Variants in ITGAL observed in about 807,000 individuals in gnomAD.
The protein encoded by ITGAL is integrin subunit alpha L.
A neutral mutation model predicts 138.4 loss-of-function variants in ITGAL; 68 were observed. The observed-to-expected ratio is 0.49, with a 90% CI of 0.40 to 0.60. The LOEUF (loss-of-function observed/expected upper bound fraction) is 0.60, where lower values mean the gene tolerates loss of function less well. Among genes scored for constraint, ITGAL ranks in the 20% least tolerant of loss-of-function variants. ITGAL has a pLI of 0.00. For synonymous variants in ITGAL, 561 were observed against 584.3 expected (o/e 0.96, Z 0.57); for missense variants, 1,256 against 1,478.6 (o/e 0.85, Z 2.47).
rs756517516 is a variant in ITGAL at position 30,506,823 on chromosome 16, G to A, written c.2475G>A (p.Pro825=). 7.5e-5 allele frequency: 121 copies of A among 1,613,766 alleles called. No individual in the cohort carries two copies. Among genetic ancestry groups the A allele is most frequent in the Non-Finnish European group, 9.7e-5 (114 of 1,179,890 alleles). ...TCCAGCTGGACCTGCACTTCCCCCC[G>A]GGACTCTCCTTCCGCAAGGTGGAGA... ...YWVQLDLHFP[P]GLSFRKVEML... is the part of the protein sequence containing the mutation. Residue 825 remains proline, a synonymous_variant, in exon 21 of 31, where the codon CCG becomes CCA. Coordinates refer to ENST00000356798, the MANE Select transcript of ITGAL (RefSeq NM_002209.3).
At chr16:30,517,776 C>T (rs1434013145) in intron 27 of ITGAL, 21 bp from the exon 28 acceptor site, 7 of 1,613,588 alleles carry the variant, frequency 4.3e-6, no homozygotes, top group Non-Finnish European at 4.2e-6. Context: ...GCCCTGACCC[C>T]GCTTTCCTCA....
chr16:30,516,948 C>T, intron 25 of ITGAL, 25 bp from the exon 26 acceptor site: 1 of 1,541,674 alleles, frequency 6.5e-7, no homozygotes. Context: ...ATTCAGGGCT[C>T]TGCATCCCTT....
At chr16:30,513,457 C>T (rs1021714319) in intron 24 of ITGAL, among the ~76,000 whole-genome samples, 11 of 152,082 alleles carry the variant, frequency 7.2e-5, no homozygotes, top group Non-Finnish European at 1.3e-4. Flanking sequence ...GCAGTGGATA[C>T]GATTATCTAG....
At chr16:30,507,491 C>A (rs1401432467) in intron 21 of ITGAL, among the ~76,000 whole-genome samples, 24 of 145,594 alleles carry the variant, frequency 1.6e-4, no homozygotes, top group Non-Finnish European at 2.4e-4. Flanking sequence ...AAAAAAAAAA[C>A]CCACAAAAAT....
chr16:30,474,588 G>C (rs2050441722), intron 2 of ITGAL: 1 of 381,576 alleles, frequency 2.6e-6, no homozygotes, highest in Admixed American at 4.0e-5. Flanking sequence ...ACTCCCCTGC[G>C]AGCGCCTGGA....
chr16:30,517,117 C>A, intron 26 of ITGAL, 31 bp downstream of exon 26: 1 of 1,421,800 alleles, frequency 7.0e-7, no homozygotes, highest in Non-Finnish European at 9.8e-7. Flanking sequence ...GAGGGTCTAC[C>A]CTCCTCAGGT....
At position 30,475,377 on chromosome 16, in the gene ITGAL, A is replaced by C; in HGVS notation, c.236A>C (p.His79Pro). ...SLYQCQSGTG[H>P]CLPVTLRGSN... is the part of the protein sequence containing the mutation. Reference sequence around the variant, plus strand: ...TATCAGTGCCAGTCGGGCACAGGACACTGCCTGCCAGTCACCCTGAGAGGT... The same window carrying C: ...TATCAGTGCCAGTCGGGCACAGGACCCTGCCTGCCAGTCACCCTGAGAGGT... Residue 79 changes from histidine (H) to proline (P), a missense_variant, in exon 3 of 31, where the codon CAC (histidine) becomes CCC (proline). By Grantham distance (77) the His-to-Pro change is moderately conservative. Transcript: ENST00000356798. The C allele has an allele frequency of 6.2e-7, 1 of 1,613,786 alleles. No individual in the cohort carries two copies. Among genetic ancestry groups the C allele is most frequent in the Middle Eastern group, 1.7e-4 (1 of 6,060 alleles).
rs372117782 is a variant in ITGAL, at chr16:30,505,238, G to T, written c.2236-6G>T. 5.7e-6 allele frequency: 9 copies of T among 1,591,988 alleles called. No homozygotes were observed. Among genetic ancestry groups the T allele is most frequent in the Admixed American group, 5.1e-5 (3 of 58,912 alleles). Reference sequence around the variant, plus strand: ...CTCTCCATCCTGCCCACTACCCCTCGCTCAGCAGGGCAAGGACATACCGCC... The same window carrying T: ...CTCTCCATCCTGCCCACTACCCCTCTCTCAGCAGGGCAAGGACATACCGCC... On this transcript the variant is annotated splice_region_variant and splice_polypyrimidine_tract_variant and intron_variant, in intron 18 of 30. Coordinates refer to ENST00000356798, the MANE Select transcript of ITGAL (RefSeq NM_002209.3).
In ITGAL at chr16:30,494,169, G is replaced by C; in HGVS notation, c.1214-43G>C. ...CCCTCTCCTGCTGGGTGTTCTTCCA[G>C]CATCCTGTGTTCCTAACTCCACACC... On this transcript the variant is annotated intron_variant, in intron 11 of 30. Transcript: ENST00000356798. This position sits in a 1 kb window ranked among gnomAD's most constrained non-coding sequence, Gnocchi z 4.2. The C allele has an allele frequency of 6.6e-7, 1 of 1,509,894 alleles. No homozygotes were observed. Among genetic ancestry groups the C allele is most frequent in the Non-Finnish European group, 9.0e-7 (1 of 1,112,564 alleles). The allele number at this position is 1,509,894 out of a possible 1,614,324, so 93.5% of individuals were successfully genotyped here.
At chr16:30,501,577 CA>C (rs56687910) in intron 17 of ITGAL, among the ~76,000 whole-genome samples, 72,505 of 117,426 alleles carry the variant, frequency 0.62, 19,730 homozygotes, top group East Asian at 0.96. Context: ...AACTCCATCT[CA>C]AAAAAAAAAA....
At position 30,475,289 on chromosome 16, in the gene ITGAL, G is replaced by A; in HGVS notation, c.165-17G>A. On this transcript the variant is annotated splice_polypyrimidine_tract_variant and intron_variant, in intron 2 of 30. Transcript: ENST00000356798. ...AGATCTGGGCCACTCCCTCTCACAG[G>A]TGAGATTTCTCACCAGGGTCATCGT... The A allele has an allele frequency of 6.3e-7, 1 of 1,599,964 alleles. No homozygotes were observed. Among genetic ancestry groups the A allele is most frequent in the Non-Finnish European group, 8.6e-7 (1 of 1,168,168 alleles).
At chr16:30,501,124 G>T (rs1479831710) in intron 17 of ITGAL, among the ~76,000 whole-genome samples, 1 of 152,086 alleles carries the variant, frequency 6.6e-6, no homozygotes, top group Non-Finnish European at 1.5e-5. Context: ...GGGATTACGG[G>T]CATGAGCCAC....
rs1271288346 is a variant in ITGAL at position 30,496,226 on chromosome 16, C to T, written c.1633C>T (p.Leu545=). Residue 545 remains leucine, a synonymous_variant, in exon 14 of 31, where the codon CTG becomes TTG. Transcript: ENST00000356798. ...GGTAGACGTGGCTGTGGGGGCCCCT[C>T]TGGAGGAGCAGGGGGCTGTGTACAT... ...GLVDVAVGAP[L]EEQGAVYIFN... The T allele has an allele frequency of 1.2e-6, 2 of 1,609,812 alleles. No individual in the cohort carries two copies. Among genetic ancestry groups the T allele is most frequent in the Non-Finnish European group, 1.7e-6 (2 of 1,178,354 alleles).
intron 8 of ITGAL, 29 bp downstream of exon 8, chr16:30,483,988 A>G (rs1160096844): frequency 3.7e-6 from 6 of 1,603,644 alleles, no homozygotes; most frequent in Non-Finnish European, 5.1e-6. Flanking sequence ...CCTGCATCAT[A>G]TCTTCCCTCT....
intron 11 of ITGAL, among the ~76,000 whole-genome samples, chr16:30,492,185 A>C (rs1418801929): frequency 6.6e-6 from 1 of 152,104 alleles, no homozygotes; most frequent in African/African-American, 2.4e-5. Flanking sequence ...CTGGTATCTT[A>C]GAGGAAAGAA....
At chr16:30,498,988 C>T in intron 15 of ITGAL, 86 bp from the exon 16 acceptor site, 1 of 1,310,950 alleles carries the variant, frequency 7.6e-7, no homozygotes. Context: ...GGAGAGTTCT[C>T]TGGCTTTGCT....
At position 30,494,139 on chromosome 16, in the gene ITGAL, C is replaced by T. The variant is rs1285299424; in HGVS notation, c.1214-73C>T. 1.4e-6 allele frequency: 2 copies of T among 1,417,524 alleles called. No individual in the cohort carries two copies. The highest frequency in any genetic ancestry group is 1.9e-6 in the Non-Finnish European group (2 of 1,043,458). The allele number at this position is 1,417,524 out of a possible 1,614,324, so 87.8% of individuals were successfully genotyped here. ...GCTACTAACCCAATTCCCTGGGGCC[C>T]CTGCCCCTCTCCTGCTGGGTGTTCT... On this transcript the variant is annotated intron_variant, in intron 11 of 30. Transcript: ENST00000356798. The surrounding 1 kb of genome is among the most constrained non-coding windows in gnomAD (Gnocchi z 4.2).
At chr16:30,476,965 C>T (rs1031224301) in intron 4 of ITGAL, among the ~76,000 whole-genome samples, 18 of 152,186 alleles carry the variant, frequency 1.2e-4, no homozygotes, top group South Asian at 4.1e-4. Flanking sequence ...CAAGACACTC[C>T]GGTGAGATAG....
intron 11 of ITGAL, among the ~76,000 whole-genome samples, chr16:30,492,905 A>G (rs890152426): frequency 6.6e-6 from 1 of 151,942 alleles, no homozygotes; most frequent in African/African-American, 2.4e-5. Context: ...TTTGTTAGAG[A>G]CAGGGTCTCA....
Sources: gnomAD v4.1 joint callset for allele counts (sites outside exome capture counted in the v4.1 genomes callset) on GRCh38, gnomAD v4.1.1 for gene constraint, Gnocchi (gnomAD v3.1) non-coding constraint, MANE v1.5 for transcripts, NCBI Gene and HGNC (gene_info 2026-07-23, HGNC 2026-07-21) for gene names.